TXNDC11: variants seen among roughly 807,000 people sequenced by gnomAD.
The protein encoded by TXNDC11 is thioredoxin domain containing 11.
In TXNDC11, 68 loss-of-function variants were observed where a neutral mutation model predicts 78.0. That is an observed-to-expected ratio of 0.87 (90% CI 0.72 to 1.07). TXNDC11 has a LOEUF of 1.07. Ranked by LOEUF, TXNDC11 falls within the 50% of genes least tolerant of loss-of-function variation. The probability of loss-of-function intolerance (pLI) is 0.00; values close to 1 mark genes in which losing one functional copy is unlikely to be tolerated. For missense variants in TXNDC11, 1,389 were observed against 1,221.8 expected (o/e 1.14, Z -2.04); for synonymous variants, 571 against 495.2 (o/e 1.15, Z -2.03).
intron 6 of TXNDC11, among the ~76,000 whole-genome samples, chr16:11,700,118 T>C (rs1436498257): frequency 6.6e-6 from 1 of 152,202 alleles, no homozygotes; most frequent in East Asian, 1.9e-4. Context: ...AGTGGAAGCC[T>C]AGCTTCTGAA....
At chr16:11,716,193 T>C (rs1483059448) in intron 5 of TXNDC11, among the ~76,000 whole-genome samples, 1 of 152,234 alleles carries the variant, frequency 6.6e-6, no homozygotes, top group Non-Finnish European at 1.5e-5. Context: ...CTTTTCTCCC[T>C]AGACTGCACT....
intron 5 of TXNDC11, among the ~76,000 whole-genome samples, chr16:11,705,460 G>A (rs568200060): frequency 1.7e-4 from 26 of 152,314 alleles, no homozygotes; most frequent in African/African-American, 6.3e-4. Context: ...CCACTCTCCA[G>A]AAGCAGCTGA....
At chr16:11,706,653 C>G (rs187138456) in intron 5 of TXNDC11, among the ~76,000 whole-genome samples, 1 of 152,302 alleles carries the variant, frequency 6.6e-6, no homozygotes, top group East Asian at 1.9e-4. Flanking sequence ...GCTTCCCACA[C>G]CCTCCCCAAG....
At chr16:11,682,406 C>T (rs1322313994) in intron 11 of TXNDC11, among the ~76,000 whole-genome samples, 1 of 152,216 alleles carries the variant, frequency 6.6e-6, no homozygotes, top group Non-Finnish European at 1.5e-5. Context: ...GCAGCAAGTG[C>T]CCAGCATGGG....
intron 5 of TXNDC11, among the ~76,000 whole-genome samples, chr16:11,702,532 T>C (rs2051062691): frequency 6.6e-6 from 1 of 151,988 alleles, no homozygotes; most frequent in African/African-American, 2.4e-5. Flanking sequence ...TCCGGGTGTG[T>C]TGTGGTGGGC....
chr16:11,691,607 T>C lies in TXNDC11; in HGVS notation c.1583A>G (p.Glu528Gly). ...GFIDSEQGVF[E>G]APTVAFSSLE... ...GGAAGAAAATGCAACAGTAGGGGCTTCAAAGACACCTTGTTCAGAGTCGAT... is the reference window on the plus strand; with the variant it reads ...GGAAGAAAATGCAACAGTAGGGGCTCCAAAGACACCTTGTTCAGAGTCGAT... Residue 528 changes from glutamate to glycine, a missense_variant, in exon 8 of 12, where the codon GAA becomes GGA. Transcript: ENST00000283033. 3 of 1,614,172 alleles carry C rather than the reference T, an allele frequency of 1.9e-6. No individual in the cohort carries two copies. Among genetic ancestry groups the C allele is most frequent in the Non-Finnish European group, 2.5e-6 (3 of 1,180,018 alleles).
chr16:11,698,925 T>C (rs1257735621), intron 6 of TXNDC11, among the ~76,000 whole-genome samples: 2 of 152,228 alleles, frequency 1.3e-5, no homozygotes, highest in Non-Finnish European at 2.9e-5. Flanking sequence ...ATTTTACGTG[T>C]ACGAATAAAT....
At chr16:11,740,610 C>T (rs2052363148) in intron 1 of TXNDC11, among the ~76,000 whole-genome samples, 1 of 152,210 alleles carries the variant, frequency 6.6e-6, no homozygotes, top group Admixed American at 6.5e-5. Flanking sequence ...AATGTCACCT[C>T]GCAACACTCT....
chr16:11,707,597 C>T (rs904392378), intron 5 of TXNDC11, among the ~76,000 whole-genome samples: 1 of 151,712 alleles, frequency 6.6e-6, no homozygotes, highest in African/African-American at 2.4e-5. Flanking sequence ...TGCAGGCGTG[C>T]ACCACCATGC....
In TXNDC11 at chr16:11,727,009, C is replaced by T. The variant is rs143157166; in HGVS notation, c.699+3636G>A. ...TGGAGGTTGCGGTGAGACGAGATTG[C>T]GCCACTGCACTCCAGCCTGGGAGAC... is the stretch of plus-strand genomic sequence containing the variant. On this transcript the variant is annotated intron_variant, in intron 4 of 11. Coordinates refer to ENST00000283033, the MANE Select transcript of TXNDC11 (RefSeq NM_015914.7). Among the ~76,000 whole-genome samples, 852 of 152,144 alleles carry T rather than the reference C, an allele frequency of 5.6e-3. 13 individuals are homozygous for T. Among genetic ancestry groups the T allele is most frequent in the African/African-American group, 0.02 (822 of 41,494 alleles).
intron 7 of TXNDC11, among the ~76,000 whole-genome samples, chr16:11,696,588 G>A (rs2050865186): frequency 6.6e-6 from 1 of 152,210 alleles, no homozygotes; most frequent in Non-Finnish European, 1.5e-5. Flanking sequence ...GCTTGTCTGA[G>A]TAATTCATAA....
intron 6 of TXNDC11, among the ~76,000 whole-genome samples, chr16:11,699,795 A>G (rs1482005165): frequency 1.3e-5 from 2 of 152,236 alleles, no homozygotes; most frequent in African/African-American, 2.4e-5. Flanking sequence ...CAGTGATGCG[A>G]GAGAGACAGA....
rs376995213 is a variant in TXNDC11 at position 11,734,416 on chromosome 16, A to AT, written c.472-338dup. Among the ~76,000 whole-genome samples, 9 of 151,828 alleles carry AT rather than the reference A, an allele frequency of 5.9e-5. No homozygotes were observed. In the East Asian group the frequency reaches 9.6e-4, roughly 16 times the overall value. ...AGCTCTCAATTTGGAAGGAGCTGAAATTTTTTTTTTAAAAAAAGCAGCAGT... is the reference window on the plus strand; with the variant it reads ...AGCTCTCAATTTGGAAGGAGCTGAAATTTTTTTTTTTAAAAAAAGCAGCAGT... On this transcript the variant is annotated intron_variant, in intron 2 of 11. Transcript: ENST00000283033.
At chr16:11,728,229 T>C (rs1297358183) in intron 4 of TXNDC11, among the ~76,000 whole-genome samples, 1 of 152,248 alleles carries the variant, frequency 6.6e-6, no homozygotes, top group African/African-American at 2.4e-5. Context: ...TGTGTGAAAC[T>C]GATACATTTT....
rs137967347 is a variant in TXNDC11 at position 11,698,246 on chromosome 16, C to T, written c.986G>A (p.Arg329Gln). 5 of 1,614,222 alleles carry T rather than the reference C, an allele frequency of 3.1e-6. No individual in the cohort carries two copies. Among genetic ancestry groups the T allele is most frequent in the African/African-American group, 1.3e-5 (1 of 75,058 alleles). ...CTTGCCTCCGTGTGGCCGCAGCCAC[C>T]GAAAGAGCGTCTCCTGGTTTTCTAA... ...WALENQETLF[R>Q]WLRPHGGKSL... is the part of the protein sequence containing the mutation. The change falls in exon 7 of 12, where the codon CGG becomes CAG. Residue 329 changes from arginine to glutamine, a missense_variant. By Grantham distance (43) the Arg-to-Gln change is conservative. Transcript: ENST00000283033.
chr16:11,735,517 G>C (rs529807345), intron 2 of TXNDC11, among the ~76,000 whole-genome samples: 2 of 152,178 alleles, frequency 1.3e-5, no homozygotes, highest in African/African-American at 2.4e-5. Context: ...GGGTCCACTG[G>C]GCTGAAAACC....
At chr16:11,730,432 C>T (rs1390520987) in intron 4 of TXNDC11, among the ~76,000 whole-genome samples, 1 of 152,194 alleles carries the variant, frequency 6.6e-6, no homozygotes, top group Non-Finnish European at 1.5e-5. Context: ...AAAACAAAGA[C>T]TTTGCTAGTA....
At position 11,736,130 on chromosome 16, in the gene TXNDC11, A is replaced by C; in HGVS notation, c.358T>G (p.Tyr120Asp). ...ACCACCTCTGAATCCCGTCGAACGT[A>C]CTCTGCATAATCCAGCTGCCCCTGG... is the stretch of plus-strand genomic sequence containing the variant. ...LFQGQLDYAE[Y>D]VRRDSEVVLL... The change falls in exon 2 of 12, where the codon TAC becomes GAC. Residue 120 changes from tyrosine to aspartate, a missense_variant. By Grantham distance (160) the Tyr-to-Asp change is radical. Coordinates refer to ENST00000283033, the MANE Select transcript of TXNDC11 (RefSeq NM_015914.7). 6.2e-7 allele frequency: 1 copy of C among 1,614,136 alleles called. No individual in the cohort carries two copies. The highest frequency in any genetic ancestry group is 1.7e-5 in the Admixed American group (1 of 60,010).
intron 4 of TXNDC11, among the ~76,000 whole-genome samples, chr16:11,726,794 C>A (rs574287073): frequency 6.6e-6 from 1 of 152,244 alleles, no homozygotes; most frequent in Admixed American, 6.5e-5. Flanking sequence ...GTGGCTCACA[C>A]CTGTAATCCT....
Sources: gnomAD v4.1 joint callset for allele counts (sites outside exome capture counted in the v4.1 genomes callset) on GRCh38, gnomAD v4.1.1 for gene constraint, MANE v1.5 for transcripts, NCBI Gene and HGNC (gene_info 2026-07-23, HGNC 2026-07-21) for gene names.